PCDH7: variants seen among roughly 807,000 people sequenced by gnomAD.
PCDH7 encodes protocadherin 7.
Under a neutral mutation model 58.9 loss-of-function variants are expected in PCDH7, and 17 were observed. The observed-to-expected ratio is 0.29, with a 90% CI of 0.20 to 0.43. PCDH7 has a LOEUF of 0.43. PCDH7 is among the 20% of genes least tolerant of loss of function. The probability of loss-of-function intolerance (pLI) is 1.00; values close to 1 mark genes in which losing one functional copy is unlikely to be tolerated. For missense variants in PCDH7, 1,274 were observed against 1,441.0 expected, an observed-to-expected ratio of 0.88 and a Z score of 1.88; for synonymous variants, 664 against 616.4, an observed-to-expected ratio of 1.08 and a Z score of -1.14.
intron 1 of PCDH7, among the ~76,000 whole-genome samples, chr4:30,772,630 A>T (rs537504633): frequency 6.6e-6 from 1 of 152,314 alleles, no homozygotes; most frequent in Non-Finnish European, 1.5e-5. Context: ...TGAGGCAGGA[A>T]TATGCCTTCT....
chr4:30,860,430 GTTTC>G (rs1405699782), intron 1 of PCDH7, among the ~76,000 whole-genome samples: 1 of 150,066 alleles, frequency 6.7e-6, no homozygotes, highest in Non-Finnish European at 1.5e-5. Flanking sequence ...TTTTTTTTTG[GTTTC>G]TTTGTTTTAG....
intron 3 of PCDH7, among the ~76,000 whole-genome samples, chr4:31,127,017 T>A (rs1182155705): frequency 6.6e-6 from 1 of 152,182 alleles, no homozygotes; most frequent in African/African-American, 2.4e-5. Flanking sequence ...GTTTACACCA[T>A]GAAATCTGCT....
chr4:30,866,704 A>T (rs980092709), intron 1 of PCDH7, among the ~76,000 whole-genome samples: 1 of 152,106 alleles, frequency 6.6e-6, no homozygotes, highest in Non-Finnish European at 1.5e-5. Context: ...TGGCAAAAAA[A>T]AAAAAAAAGT....
At chr4:31,006,282 G>A (rs1752762439) in intron 3 of PCDH7, among the ~76,000 whole-genome samples, 1 of 152,038 alleles carries the variant, frequency 6.6e-6, no homozygotes, top group African/African-American at 2.4e-5. Context: ...ATTTTCAAAG[G>A]AGATTTGAGG....
chr4:30,926,191 T>A (rs1259378683), intron 2 of PCDH7, among the ~76,000 whole-genome samples: 1 of 11,650 alleles, frequency 8.6e-5, no homozygotes, highest in African/African-American at 4.0e-4. Flanking sequence ...CTTTAGGTCG[T>A]TTTTTTTTTT....
At chr4:30,935,428 G>T in intron 2 of PCDH7, 1 of 333,184 alleles carries the variant, frequency 3.0e-6, no homozygotes, top group Non-Finnish European at 4.3e-6. Flanking sequence ...TAACTACCAT[G>T]AACAAGTTCC....
intron 3 of PCDH7, among the ~76,000 whole-genome samples, chr4:31,102,083 G>A (rs996008291): frequency 6.6e-6 from 1 of 152,144 alleles, no homozygotes; most frequent in African/African-American, 2.4e-5. Flanking sequence ...AATAAGATAT[G>A]CAGAATTCTA....
intron 1 of PCDH7, among the ~76,000 whole-genome samples, chr4:30,837,523 G>C (rs1730637078): frequency 6.6e-6 from 1 of 151,302 alleles, no homozygotes; most frequent in Non-Finnish European, 1.5e-5. Flanking sequence ...TTACAAATAA[G>C]GAAGGAAATT....
chr4:30,827,325 T>C (rs570044546), intron 1 of PCDH7, among the ~76,000 whole-genome samples: 1 of 152,130 alleles, frequency 6.6e-6, no homozygotes, highest in South Asian at 2.1e-4. Context: ...GTTTAAGGAA[T>C]TTTTTTTCCA....
exon 1 of PCDH7, chr4:30,724,541 G>C: frequency 1.2e-6 from 2 of 1,614,038 alleles, no homozygotes; most frequent in Non-Finnish European, 1.7e-6. Context: ...ATTTCAATTG[G>C]ATCAGATCAC....
rs762262450 is a variant in PCDH7 at position 30,722,719 on chromosome 4, G to A, written c.1297G>A (p.Ala433Thr). Residue 433 changes from alanine to threonine, a missense_variant, in exon 1 of 2, where the codon GCC becomes ACC. Coordinates refer to ENST00000361762, the Ensembl canonical transcript of PCDH7. The surrounding 1 kb of genome is among the most constrained non-coding windows in gnomAD (Gnocchi z 7.6). ...CCTCAAGGACGGGGTGGCCAACGTG[G>A]CCGAGGACGTTCTGGTCGACACCCC... The A allele has an allele frequency of 5.0e-6, 8 of 1,613,404 alleles. No individual in the cohort carries two copies. In the East Asian group the frequency reaches 1.1e-4, roughly 22 times the overall value.
At chr4:31,035,247 C>CTTTTTTTTTTTTTTTTTTTTTT (rs35099580) in intron 3 of PCDH7, among the ~76,000 whole-genome samples, 1 of 99,378 alleles carries the variant, frequency 1.0e-5, no homozygotes, top group Non-Finnish European at 1.8e-5. Flanking sequence ...CCTTTTTTCC[C>CTTTTTTTTTTTTTTTTTTTTTT]TTTTTTTTTT....
At chr4:30,761,244 A>T (rs1317213570) in intron 1 of PCDH7, among the ~76,000 whole-genome samples, 1 of 152,204 alleles carries the variant, frequency 6.6e-6, no homozygotes, top group African/African-American at 2.4e-5. Flanking sequence ...AGCTTTTAGG[A>T]AGCGCAGCTC....
chr4:31,029,006 G>A (rs1435753614), intron 3 of PCDH7, among the ~76,000 whole-genome samples: 1 of 152,162 alleles, frequency 6.6e-6, no homozygotes, highest in African/African-American at 2.4e-5. Flanking sequence ...TGTAGTTTTG[G>A]CAAAGGTGGC....
intron 2 of PCDH7, among the ~76,000 whole-genome samples, chr4:30,924,118 T>C (rs1270779071): frequency 6.6e-6 from 1 of 152,214 alleles, no homozygotes; most frequent in East Asian, 1.9e-4. Flanking sequence ...AGGTCTATTG[T>C]ATTTATCCTG....
At chr4:31,049,529 G>T (rs1446711036) in intron 3 of PCDH7, among the ~76,000 whole-genome samples, 2 of 152,046 alleles carry the variant, frequency 1.3e-5, no homozygotes, top group Non-Finnish European at 2.9e-5. Flanking sequence ...GGCTTAAATC[G>T]TTGATATTGA....
chr4:30,801,853 A>G lies in PCDH7; in HGVS notation c.70+77257A>G, dbSNP rs141867758. ...CTACTGCTGGAATGACTTAAATCCAATTATGTTAATTTATTTAATTCCTAT... is the reference window on the plus strand; with the variant it reads ...CTACTGCTGGAATGACTTAAATCCAGTTATGTTAATTTATTTAATTCCTAT... On this transcript the variant is annotated intron_variant, in intron 1 of 3. Coordinates refer to the PCDH7 transcript ENST00000509759. 1.1e-3 allele frequency among the ~76,000 whole-genome samples: 172 copies of G among 152,300 alleles called. 1 individual carries two copies. The highest frequency in any genetic ancestry group is 3.9e-3 in the African/African-American group (162 of 41,566).
chr4:30,849,337 G>A (rs1732406400), intron 1 of PCDH7, among the ~76,000 whole-genome samples: 1 of 151,486 alleles, frequency 6.6e-6, no homozygotes, highest in South Asian at 2.1e-4. Context: ...ACAGACAAGA[G>A]CAAATTACCT....
At chr4:30,976,995 A>C (rs531236187) in intron 3 of PCDH7, among the ~76,000 whole-genome samples, 9 of 152,312 alleles carry the variant, frequency 5.9e-5, no homozygotes, top group Non-Finnish European at 1.2e-4. Flanking sequence ...GTTTGTTTGT[A>C]AATAGTTGTT....
Sources: gnomAD v4.1 joint callset for allele counts (sites outside exome capture counted in the v4.1 genomes callset) on GRCh38, gnomAD v4.1.1 for gene constraint, Gnocchi (gnomAD v3.1) non-coding constraint, MANE v1.5 for transcripts, NCBI Gene and HGNC (gene_info 2026-07-23, HGNC 2026-07-21) for gene names.